The following SP110 variants were observed in gnomAD, a reference collection of about 807,000 sequenced individuals.
The protein encoded by SP110 is interferon-induced protein 41, 30kD.
Under a neutral mutation model 92.7 loss-of-function variants are expected in SP110, and 62 were observed. That is an observed-to-expected ratio of 0.67 (90% CI 0.55 to 0.83). The LOEUF (loss-of-function observed/expected upper bound fraction) is 0.83. Ranked by LOEUF, SP110 falls within the 40% of genes least tolerant of loss-of-function variation. The pLI, the probability that SP110 is intolerant of heterozygous loss-of-function variation, is 0.00. For synonymous variants in SP110, 273 were observed against 305.3 expected, an observed-to-expected ratio of 0.89 and a Z score of 1.10; for missense variants, 793 against 863.9, an observed-to-expected ratio of 0.92 and a Z score of 1.03.
intron 12 of SP110, among the ~76,000 whole-genome samples, chr2:230,181,990 T>TAAA (rs1471160078): frequency 6.6e-6 from 1 of 152,254 alleles, no homozygotes; most frequent in East Asian, 1.9e-4. Flanking sequence ...CATTCTATTA[T>TAAA]AAATATACCT....
chr2:230,168,707 CAAAA>C lies in SP110; in HGVS notation c.*413_*416del, dbSNP rs982497889. The C allele has an allele frequency of 6.2e-6, 1 of 162,456 alleles. No individual in the cohort carries two copies. The highest frequency in any genetic ancestry group is 2.4e-5 in the African/African-American group (1 of 41,436). 10.1% of individuals were successfully genotyped at this position (162,456 alleles called of 1,614,324 possible). ...AATGCAACCAGAAAATTCCAGATTG[CAAAA>C]AATGTAATAGGACCAAAACCCTGAG... On this transcript the variant is annotated 3_prime_UTR_variant, in exon 19 of 19. Coordinates refer to ENST00000258381, the MANE Select transcript of SP110 (RefSeq NM_080424.4).
intron 14 of SP110, chr2:230,177,305 T>C (rs912409209): frequency 7.1e-6 from 4 of 560,934 alleles, no homozygotes; most frequent in African/African-American, 1.9e-5. Flanking sequence ...TCAAAGCCCT[T>C]TGCCGGCATT....
At chr2:230,215,443 T>C (rs539490502) in intron 2 of SP110, among the ~76,000 whole-genome samples, 5 of 152,336 alleles carry the variant, frequency 3.3e-5, no homozygotes, top group African/African-American at 1.2e-4. Flanking sequence ...GATGCTACTA[T>C]GTAATTGATT....
At chr2:230,209,611 T>A (rs749493859) in intron 7 of SP110, among the ~76,000 whole-genome samples, 17 of 152,146 alleles carry the variant, frequency 1.1e-4, no homozygotes, top group Non-Finnish European at 1.6e-4. Flanking sequence ...GGAAGTGGGT[T>A]CCTCTCTGGG....
At position 230,168,768 on chromosome 2, in the gene SP110, TAA is replaced by T; in HGVS notation, c.*354_*355del. On this transcript the variant is annotated 3_prime_UTR_variant, in exon 19 of 19. Coordinates refer to ENST00000258381, the MANE Select transcript of SP110 (RefSeq NM_080424.4). ...AATAAATACATGACAATTTATAGCTTAAAAGAGACATAGGGACAGGAGAGCCA... is the reference window on the plus strand; with the variant it reads ...AATAAATACATGACAATTTATAGCTTAAGAGACATAGGGACAGGAGAGCCA... The T allele has an allele frequency of 5.0e-6, 1 of 201,470 alleles. No individual in the cohort carries two copies. Among genetic ancestry groups the T allele is most frequent in the South Asian group, 8.4e-5 (1 of 11,848 alleles). The allele number at this position is 201,470 out of a possible 1,614,324, so 12.5% of individuals were successfully genotyped here. A position where few individuals can be genotyped will look rare whatever the true frequency, so the allele number is the denominator to read the frequency against.
intron 2 of SP110, 152 bp from the exon 3 acceptor site, chr2:230,215,270 G>T: frequency 1.5e-6 from 1 of 664,870 alleles, no homozygotes; most frequent in Non-Finnish European, 2.6e-6. Context: ...AAGGTAGAGC[G>T]GTCACAGTTT....
chr2:230,169,212 A>G lies in SP110; in HGVS notation c.2054T>C (p.Leu685Pro), dbSNP rs114501363. The change falls in exon 19 of 19, where the codon CTT becomes CCT. Residue 685 changes from leucine to proline, a missense_variant. Physicochemically the swap from Leu to Pro is moderately conservative, Grantham distance 98. Transcript: ENST00000258381. Reference protein sequence around the residue: ...YKASDFGQVGLDLEAEFEKDL... With the variant: ...YKASDFGQVGPDLEAEFEKDL... ...TTTTTCAAATTCTGCCTCTAAGTCA[A>G]GTCCTACCTGGCCAAAGTCAGAAGC... 57 of 1,612,740 alleles carry G rather than the reference A, an allele frequency of 3.5e-5. No individual in the cohort carries two copies. In the Middle Eastern group the frequency reaches 5.0e-4, roughly 14 times the overall value.
chr2:230,212,690 G>C (rs2044627499), intron 4 of SP110, 71 bp downstream of exon 4: 11 of 1,570,528 alleles, frequency 7.0e-6, no homozygotes, highest in Non-Finnish European at 9.6e-6. Context: ...AAGATGCTGG[G>C]ATTGGCGGCA....
upstream of SP110, among the ~76,000 whole-genome samples, chr2:230,222,809 A>G (rs963823718): frequency 2.7e-5 from 4 of 149,690 alleles, no homozygotes; most frequent in Non-Finnish European, 5.9e-5. Flanking sequence ...TCTGCTTTCT[A>G]TCACCACAGA....
At chr2:230,174,516 C>CTT (rs2041761143) in intron 14 of SP110, among the ~76,000 whole-genome samples, 1 of 152,192 alleles carries the variant, frequency 6.6e-6, no homozygotes, top group Non-Finnish European at 1.5e-5. Context: ...CATCTCTGGA[C>CTT]CACCCATGAT....
intron 10 of SP110, among the ~76,000 whole-genome samples, chr2:230,199,335 T>C (rs372478570): frequency 6.7e-6 from 1 of 149,296 alleles, no homozygotes; most frequent in Non-Finnish European, 1.5e-5. Flanking sequence ...CAGCCTCCCA[T>C]GTAGCTGGGA....
chr2:230,208,012 T>C lies in SP110; in HGVS notation c.877A>G (p.Lys293Glu), dbSNP rs199845488. The change falls in exon 8 of 19, where the codon AAG becomes GAG. Residue 293 changes from lysine (K) to glutamate (E), a missense_variant. By Grantham distance (56) the Lys-to-Glu change is moderately conservative. Coordinates refer to ENST00000258381, the MANE Select transcript of SP110 (RefSeq NM_080424.4). ...CIWSTPKRRHKKKSLPGGTAS... is the reference protein window; with the variant it reads ...CIWSTPKRRHEKKSLPGGTAS... Reference sequence around the variant, plus strand: ...TTACCTCCTGGGAGGCTTTTTTTCTTATGTCTCCTTTTTGGAGTTGACCAG... The same window carrying C: ...TTACCTCCTGGGAGGCTTTTTTTCTCATGTCTCCTTTTTGGAGTTGACCAG... 17 of 1,565,992 alleles carry C rather than the reference T, an allele frequency of 1.1e-5. No individual in the cohort carries two copies. In the Admixed American group the frequency reaches 2.9e-4, roughly 26 times the overall value.
upstream of SP110, among the ~76,000 whole-genome samples, chr2:230,220,404 A>G (rs1445155035): frequency 6.6e-6 from 1 of 152,222 alleles, no homozygotes; most frequent in African/African-American, 2.4e-5. Context: ...ATCAAACTCT[A>G]ACAACACACA....
intron 12 of SP110, among the ~76,000 whole-genome samples, chr2:230,179,092 G>C (rs2042000550): frequency 6.6e-6 from 1 of 152,200 alleles, no homozygotes; most frequent in South Asian, 2.1e-4. Context: ...GCCTCAAACA[G>C]TTATTGAAAG....
chr2:230,202,094 AATG>A (rs2043240132), intron 9 of SP110, among the ~76,000 whole-genome samples: 2 of 152,224 alleles, frequency 1.3e-5, no homozygotes, highest in Admixed American at 1.3e-4. Flanking sequence ...ACAAACATAA[AATG>A]ATGTCACTCT....
rs77429433 is a variant in SP110 at position 230,194,560 on chromosome 2, A to G, written c.1129+6325T>C. On this transcript the variant is annotated intron_variant, in intron 10 of 18. Coordinates refer to ENST00000258381, the MANE Select transcript of SP110 (RefSeq NM_080424.4). Reference sequence around the variant, plus strand: ...TGAAGCAGAGGAACCAGAAAAATGCAGCTTTTTTGTTTCTTATTCTGCAAG... The same window carrying G: ...TGAAGCAGAGGAACCAGAAAAATGCGGCTTTTTTGTTTCTTATTCTGCAAG... Among the ~76,000 whole-genome samples the G allele has an allele frequency of 5.4e-3, 822 of 152,326 alleles. 3 individuals are homozygous for G. Among genetic ancestry groups the G allele is most frequent in the African/African-American group, 0.019 (779 of 41,570 alleles).
At chr2:230,221,364 C>T (rs2045805007), upstream of SP110, among the ~76,000 whole-genome samples, 1 of 151,904 alleles carries the variant, frequency 6.6e-6, no homozygotes, top group African/African-American at 2.4e-5. Context: ...GTTCCCCTAC[C>T]AGGACATCCA....
chr2:230,177,397 GT>G, intron 14 of SP110, 140 bp downstream of exon 14: 2 of 939,036 alleles, frequency 2.1e-6, no homozygotes, highest in Admixed American at 1.8e-5. Flanking sequence ...GTCACCCACA[GT>G]TTTTTTTCTA....
intron 14 of SP110, chr2:230,173,215 G>A (rs530710335): frequency 1.8e-4 from 83 of 450,874 alleles, no homozygotes; most frequent in South Asian, 3.7e-4. Context: ...GTTCTGCTGC[G>A]TTTTGAGCTG....
Sources: allele counts gnomAD v4.1 joint callset (sites outside exome capture counted in the v4.1 genomes callset), GRCh38; gene constraint gnomAD v4.1.1; transcripts MANE v1.5; gene names NCBI Gene and HGNC (gene_info 2026-07-23, HGNC 2026-07-21).